Variants in MAFB observed in about 807,000 individuals in gnomAD.
MAFB encodes MAF bZIP transcription factor B, also known as transcription factor MafB.
A neutral mutation model predicts 17.7 loss-of-function variants in MAFB; 3 were observed. The observed-to-expected ratio is 0.17, with a 90% CI of 0.08 to 0.44. The LOEUF (loss-of-function observed/expected upper bound fraction) is 0.44, where lower values mean the gene tolerates loss of function less well. MAFB is among the 20% of genes least tolerant of loss of function. The probability of loss-of-function intolerance (pLI) is 0.99; values close to 1 mark genes in which losing one functional copy is unlikely to be tolerated. For synonymous variants in MAFB, 214 were observed against 211.5 expected, an observed-to-expected ratio of 1.01 and a Z score of -0.10; for missense variants, 355 against 461.3, an observed-to-expected ratio of 0.77 and a Z score of 2.11.
rs764292811 is a variant in MAFB at position 40,688,737 on chromosome 20, G to T, written c.114C>A (p.Arg38=). The T allele has an allele frequency of 2.0e-5, 32 of 1,613,784 alleles. 2 individuals carry two copies. In the South Asian group the frequency reaches 2.9e-4, roughly 14 times the overall value. ...TGCAGGGCCTGCCCGGACGCTCCGC[G>T]CGCCCCAGTGGCTCCTTCTTCACGT... ...KFDVKKEPLG[R]AERPGRPCTR... The change falls in exon 1 of 1, where the codon CGC becomes CGA. Residue 38 remains arginine, a synonymous_variant. Transcript: ENST00000373313.
rs1230951702 is a variant in MAFB at position 40,687,027 on chromosome 20, CG to C, written c.*851del. The C allele has an allele frequency of 1.3e-4, 53 of 398,848 alleles. No homozygotes were observed. Among genetic ancestry groups the C allele is most frequent in the Admixed American group, 5.3e-4 (12 of 22,724 alleles). The allele number at this position is 398,848 out of a possible 1,614,324, so 24.7% of individuals were successfully genotyped here. On this transcript the variant is annotated 3_prime_UTR_variant, in exon 1 of 1. Transcript: ENST00000373313. Reference sequence around the variant, plus strand: ...AACAAAGACCCTCAGCTTGCTGCCACGTTCTCTATGCGGTTTGGCGGGGCGG... The same window carrying C: ...AACAAAGACCCTCAGCTTGCTGCCACTTCTCTATGCGGTTTGGCGGGGCGG...
rs563342405 is a variant in MAFB at position 40,688,931 on chromosome 20, G to A, written c.-81C>T. 34 of 1,478,040 alleles carry A rather than the reference G, an allele frequency of 2.3e-5. No homozygotes were observed. The highest frequency in any genetic ancestry group is 2.9e-5 in the Non-Finnish European group (32 of 1,121,956). The allele number at this position is 1,478,040 out of a possible 1,614,324, so 91.6% of individuals were successfully genotyped here. A position where few individuals can be genotyped will look rare whatever the true frequency, so the allele number is the denominator to read the frequency against. On this transcript the variant is annotated 5_prime_UTR_variant, in exon 1 of 1. Coordinates refer to ENST00000373313, the MANE Select transcript of MAFB (RefSeq NM_005461.5). ...AGCGCGCCGAGCCAAGCGCGGGGGG[G>A]AAGAGCGGAGAAGAGCTGGGGAGGC... is the stretch of plus-strand genomic sequence containing the variant.
chr20:40,686,577 G>A lies in MAFB; in HGVS notation c.*1302C>T. 5.0e-6 allele frequency: 2 copies of A among 397,588 alleles called. No individual in the cohort carries two copies. Among genetic ancestry groups the A allele is most frequent in the Non-Finnish European group, 8.9e-6 (2 of 225,956 alleles). The allele number at this position is 397,588 out of a possible 1,614,324, so 24.6% of individuals were successfully genotyped here. ...AAGCCTCTCACCCTAGGAGCGCTGT[G>A]GCTCCTACAATTAGCGCAGGCCCAG... On this transcript the variant is annotated 3_prime_UTR_variant, in exon 1 of 1. Transcript: ENST00000373313.
At position 40,688,249 on chromosome 20, in the gene MAFB, G is replaced by T. The variant is rs947866370; in HGVS notation, c.602C>A (p.Ala201Glu). 6.4e-7 allele frequency: 1 copy of T among 1,551,616 alleles called. No homozygotes were observed. Among genetic ancestry groups the T allele is most frequent in the Non-Finnish European group, 8.7e-7 (1 of 1,155,382 alleles). ...GPHATASATA[A>E]GGNGSVEDRF... ...GTCCTCCACGCTGCCGTTGCCGCCC[G>T]CCGCCGTCGCCGAGGCCGTCGCGTG... Residue 201 changes from alanine to glutamate, a missense_variant, in exon 1 of 1, where the codon GCG becomes GAG. Ala to Glu is a moderately radical substitution (Grantham distance 107). Transcript: ENST00000373313.
In MAFB at chr20:40,687,779, G is replaced by A; in HGVS notation, c.*100C>T. Reference sequence around the variant, plus strand: ...CGCTCAAGTCAAACAGGTCAAGGCTGGGGCCGCGGCAGGGACAGGGTCCGG... The same window carrying A: ...CGCTCAAGTCAAACAGGTCAAGGCTAGGGCCGCGGCAGGGACAGGGTCCGG... On this transcript the variant is annotated 3_prime_UTR_variant, in exon 1 of 1. Coordinates refer to ENST00000373313, the MANE Select transcript of MAFB (RefSeq NM_005461.5). 1 of 1,396,474 alleles carries A rather than the reference G, an allele frequency of 7.2e-7. No homozygotes were observed. The highest frequency in any genetic ancestry group is 1.3e-5 in the South Asian group (1 of 74,546). 86.5% of individuals were successfully genotyped at this position (1,396,474 alleles called of 1,614,324 possible). A position where few individuals can be genotyped will look rare whatever the true frequency, so the allele number is the denominator to read the frequency against.
chr20:40,689,211 C>T lies in MAFB; in HGVS notation c.-361G>A, dbSNP rs975208860. The T allele has an allele frequency of 3.4e-6, 1 of 295,684 alleles. No individual in the cohort carries two copies. Among genetic ancestry groups the T allele is most frequent in the Non-Finnish European group, 6.4e-6 (1 of 157,434 alleles). The allele number at this position is 295,684 out of a possible 1,614,324, so 18.3% of individuals were successfully genotyped here. A position where few individuals can be genotyped will look rare whatever the true frequency, so the allele number is the denominator to read the frequency against. On this transcript the variant is annotated 5_prime_UTR_variant, in exon 1 of 1. Coordinates refer to ENST00000373313, the MANE Select transcript of MAFB (RefSeq NM_005461.5). ...GCTCTTACGCTCTCTCGCTCGCAGC[C>T]GCTCGCAGCTCGGCGGTGCAGCTGT...
Position 40,688,446 on chromosome 20 carries a change from A to T in MAFB, c.405T>A (p.His135Gln), listed in dbSNP as rs371814365. ...CGTGGTGCGGGTGAGGGTGGTGGTGATGGTGGTGGTGGTGAGCGCCGCGAA... is the reference window on the plus strand; with the variant it reads ...CGTGGTGCGGGTGAGGGTGGTGGTGTTGGTGGTGGTGGTGAGCGCCGCGAA... ...DSFRGAHHHH[H>Q]HHHPHPHHAY... The change falls in exon 1 of 1, where the codon CAT (histidine) becomes CAA (glutamine). Residue 135 changes from histidine to glutamine, a missense_variant. By Grantham distance (24) the His-to-Gln change is conservative. This residue lies in a region of MAFB where 285 missense variants were observed against 350.0 expected (regional missense o/e 0.81). Coordinates refer to ENST00000373313, the MANE Select transcript of MAFB (RefSeq NM_005461.5). 6.3e-6 allele frequency: 10 copies of T among 1,598,704 alleles called. No individual in the cohort carries two copies. The highest frequency in any genetic ancestry group is 7.6e-6 in the Non-Finnish European group (9 of 1,176,896).
At position 40,688,425 on chromosome 20, in the gene MAFB, G is replaced by C; in HGVS notation, c.426C>G (p.His142Gln). ...CCACGCCGGCGCCCGGGTACGCGTG[G>C]TGCGGGTGAGGGTGGTGGTGATGGT... is the stretch of plus-strand genomic sequence containing the variant. Reference protein sequence around the residue: ...HHHHHHHPHPHHAYPGAGVAH... With the variant: ...HHHHHHHPHPQHAYPGAGVAH... Residue 142 changes from histidine to glutamine, a missense_variant, in exon 1 of 1, where the codon CAC becomes CAG. This residue lies in a region of MAFB where 285 missense variants were observed against 350.0 expected (regional missense o/e 0.81). Coordinates refer to ENST00000373313, the MANE Select transcript of MAFB (RefSeq NM_005461.5). The C allele has an allele frequency of 6.3e-7, 1 of 1,588,828 alleles. No individual in the cohort carries two copies. Among genetic ancestry groups the C allele is most frequent in the Non-Finnish European group, 8.5e-7 (1 of 1,172,224 alleles).
rs537734729 is a variant in MAFB, at chr20:40,686,428, A to C, written c.*1451T>G. ...GGAAAGAAACGCAATGCATTGGTCT[A>C]AAGAACGCACTTGAAAGTTGCAAAA... On this transcript the variant is annotated 3_prime_UTR_variant, in exon 1 of 1. Transcript: ENST00000373313. 6.0e-6 allele frequency: 2 copies of C among 334,844 alleles called. No homozygotes were observed. Among genetic ancestry groups the C allele is most frequent in the South Asian group, 3.1e-4 (2 of 6,490 alleles). 20.7% of individuals were successfully genotyped at this position (334,844 alleles called of 1,614,324 possible).
At position 40,687,987 on chromosome 20, in the gene MAFB, G is replaced by T; in HGVS notation, c.864C>A (p.Ala288=). The stretch of plus-strand genomic sequence containing the variant: ...TGACCTTGTAGGCGTCTCTCTCGCG[G>T]GCCAGCCGGGACACCTCCTGCTTAA... The part of the protein sequence containing the change: ...EQLKQEVSRL[A]RERDAYKVKC... The change falls in exon 1 of 1, where the codon GCC becomes GCA. Residue 288 remains alanine (A), a synonymous_variant. Transcript: ENST00000373313. 5 of 1,614,112 alleles carry T rather than the reference G, an allele frequency of 3.1e-6. No individual in the cohort carries two copies. Among genetic ancestry groups the T allele is most frequent in the East Asian group, 4.5e-5 (2 of 44,858 alleles).
rs942310036 is a variant in MAFB, at chr20:40,687,825, G to A, written c.*54C>T. ...TCCGGGGTAGTCTGGGACTAGGGAC[G>A]TGGGACAGGGAGTCCGGGCCGGGGC... On this transcript the variant is annotated 3_prime_UTR_variant, in exon 1 of 1. Transcript: ENST00000373313. 1 of 1,573,156 alleles carries A rather than the reference G, an allele frequency of 6.4e-7. No individual in the cohort carries two copies. The highest frequency in any genetic ancestry group is 8.6e-7 in the Non-Finnish European group (1 of 1,162,992).
At position 40,688,637 on chromosome 20, in the gene MAFB, T is replaced by G. The variant is rs775699125; in HGVS notation, c.214A>C (p.Ser72Arg). ...TPCSSVPSSPSFSPTEQKTHL... is the reference protein window; with the variant it reads ...TPCSSVPSSPRFSPTEQKTHL... ...GTCTTCTGTTCGGTCGGGCTGAAGCTGGGCGACGAGGGCACGGAGCTACAC... is the reference window on the plus strand; with the variant it reads ...GTCTTCTGTTCGGTCGGGCTGAAGCGGGGCGACGAGGGCACGGAGCTACAC... The change falls in exon 1 of 1, where the codon AGC (serine) becomes CGC (arginine). Residue 72 changes from serine to arginine, a missense_variant. Physicochemically the swap from Ser to Arg is moderately radical, Grantham distance 110. This residue lies in a region of MAFB where 285 missense variants were observed against 350.0 expected (regional missense o/e 0.81). Transcript: ENST00000373313. 1.2e-6 allele frequency: 2 copies of G among 1,614,012 alleles called. No homozygotes were observed. Among genetic ancestry groups the G allele is most frequent in the South Asian group, 2.2e-5 (2 of 91,082 alleles).
Position 40,688,719 on chromosome 20 carries a change from C to T in MAFB, c.132G>A (p.Arg44=), listed in dbSNP as rs1986902573. ...CGGCTGGCTGCAGGCGTGTGCAGGG[C>T]CTGCCCGGACGCTCCGCGCGCCCCA... ...EPLGRAERPG[R]PCTRLQPAGS... The change falls in exon 1 of 1, where the codon AGG becomes AGA. Residue 44 remains arginine, a synonymous_variant. Transcript: ENST00000373313. 1.9e-6 allele frequency: 3 copies of T among 1,613,728 alleles called. No homozygotes were observed. Among genetic ancestry groups the T allele is most frequent in the Non-Finnish European group, 2.5e-6 (3 of 1,179,910 alleles).
Position 40,688,284 on chromosome 20 carries a change from C to A in MAFB, c.567G>T (p.Gly189=). ...CCGAGGCCGTCGCGTGCGGCCCGGG[C>A]CCGGGGTGGCTAGTGGGCAGCTGTT... ...PAQQLPTSHP[G]PGPHATASAT... is the part of the protein sequence containing the mutation. Residue 189 remains glycine, a synonymous_variant, in exon 1 of 1, where the codon GGG becomes GGT. Transcript: ENST00000373313. The A allele has an allele frequency of 6.5e-7, 1 of 1,541,640 alleles. No individual in the cohort carries two copies. Among genetic ancestry groups the A allele is most frequent in the South Asian group, 1.2e-5 (1 of 84,250 alleles).
chr20:40,687,930 C>T lies in MAFB; in HGVS notation c.921G>A (p.Arg307=). 2 of 1,613,430 alleles carry T rather than the reference C, an allele frequency of 1.2e-6. No homozygotes were observed. Among genetic ancestry groups the T allele is most frequent in the Non-Finnish European group, 1.7e-6 (2 of 1,180,026 alleles). ...KCEKLANSGF[R]EAGSTSDSPS... is the part of the protein sequence containing the mutation. Reference sequence around the variant, plus strand: ...GGCTGTCGCTGGTGGAGCCCGCCTCCCTGAAGCCGGAGTTGGCGAGTTTCT... The same window carrying T: ...GGCTGTCGCTGGTGGAGCCCGCCTCTCTGAAGCCGGAGTTGGCGAGTTTCT... Residue 307 remains arginine (R), a synonymous_variant, in exon 1 of 1, where the codon AGG becomes AGA. Coordinates refer to ENST00000373313, the MANE Select transcript of MAFB (RefSeq NM_005461.5).
chr20:40,687,377 G>C lies in MAFB; in HGVS notation c.*502C>G. ...AGTGTTCTCCGAACTCTGACAGACA[G>C]GTCCGTCTGTCCTTCCTTCTTTCGC... On this transcript the variant is annotated 3_prime_UTR_variant, in exon 1 of 1. Transcript: ENST00000373313. The C allele has an allele frequency of 2.5e-6, 1 of 394,604 alleles. No individual in the cohort carries two copies. The highest frequency in any genetic ancestry group is 4.5e-6 in the Non-Finnish European group (1 of 223,536). 24.4% of individuals were successfully genotyped at this position (394,604 alleles called of 1,614,324 possible). A position where few individuals can be genotyped will look rare whatever the true frequency, so the allele number is the denominator to read the frequency against.
rs1600429765 is a variant in MAFB at position 40,689,190 on chromosome 20, T to C, written c.-340A>G. 9.1e-6 allele frequency: 3 copies of C among 329,640 alleles called. No individual in the cohort carries two copies. In the East Asian group the frequency reaches 1.5e-4, roughly 16 times the overall value. 20.4% of individuals were successfully genotyped at this position (329,640 alleles called of 1,614,324 possible). A position where few individuals can be genotyped will look rare whatever the true frequency, so the allele number is the denominator to read the frequency against. ...TGCTCGCTCTCTAGCTCTCTTGCTC[T>C]TACGCTCTCTCGCTCGCAGCCGCTC... On this transcript the variant is annotated 5_prime_UTR_variant, in exon 1 of 1. Transcript: ENST00000373313.
In MAFB at chr20:40,689,052, C is replaced by A; in HGVS notation, c.-202G>T. ...GAGTCCCGAGGCTGCCTGCACCGCC[C>A]CAGAGCTCTGGGCTGTGCCCGCGCA... is the stretch of plus-strand genomic sequence containing the variant. On this transcript the variant is annotated 5_prime_UTR_variant, in exon 1 of 1. Coordinates refer to ENST00000373313, the MANE Select transcript of MAFB (RefSeq NM_005461.5). The A allele has an allele frequency of 1.5e-6, 1 of 673,508 alleles. No homozygotes were observed. Among genetic ancestry groups the A allele is most frequent in the Non-Finnish European group, 2.2e-6 (1 of 448,804 alleles). The allele number at this position is 673,508 out of a possible 1,614,324, so 41.7% of individuals were successfully genotyped here.
chr20:40,687,843 G>A lies in MAFB; in HGVS notation c.*36C>T. ...TAGGGACGTGGGACAGGGAGTCCGG[G>A]CCGGGGCAAGGGCGGGGGCCAGGAC... On this transcript the variant is annotated 3_prime_UTR_variant, in exon 1 of 1. Transcript: ENST00000373313. 1 of 1,594,700 alleles carries A rather than the reference G, an allele frequency of 6.3e-7. No individual in the cohort carries two copies. Among genetic ancestry groups the A allele is most frequent in the Non-Finnish European group, 8.5e-7 (1 of 1,175,002 alleles).
Sources: allele counts gnomAD v4.1 joint callset, GRCh38; gene constraint gnomAD v4.1.1; regional missense constraint gnomAD v4.1.1; transcripts MANE v1.5; gene names NCBI Gene and HGNC (gene_info 2026-07-23, HGNC 2026-07-21).